PMPCB: variants seen among roughly 807,000 people sequenced by gnomAD.
The protein encoded by PMPCB is mitochondrial-processing peptidase subunit beta.
Under a neutral mutation model 61.5 loss-of-function variants are expected in PMPCB, and 46 were observed. That is an observed-to-expected ratio of 0.75 (90% confidence interval 0.59 to 0.96). The LOEUF is 0.96. PMPCB is among the 40% of genes least tolerant of loss of function. The probability of loss-of-function intolerance (pLI) is 0.00; values close to 1 mark genes in which losing one functional copy is unlikely to be tolerated. For synonymous variants in PMPCB, 191 were observed against 201.6 expected, an observed-to-expected ratio of 0.95 and a Z score of 0.44; for missense variants, 590 against 602.4, an observed-to-expected ratio of 0.98 and a Z score of 0.22.
In PMPCB at chr7:103,298,614, C is replaced by T. The variant is rs1817359578; in HGVS notation, c.146C>T (p.Thr49Ile). 6.2e-7 allele frequency: 1 copy of T among 1,613,850 alleles called. No homozygotes were observed. Among genetic ancestry groups the T allele is most frequent in the African/African-American group, 1.3e-5 (1 of 74,916 alleles). ...ENRLRSTQAA[T>I]QVVLNVPETR... ...AGATTAAGAAGTACACAGGCTGCTA[C>T]CCAAGTTGTTCTGAATGTTCCTGAA... Residue 49 changes from threonine to isoleucine, a missense_variant, in exon 2 of 13, where the codon ACC (threonine) becomes ATC (isoleucine). Thr to Ile is a moderately conservative substitution (Grantham distance 89). Transcript: ENST00000249269.
chr7:103,311,341 T>C (rs906245609), intron 9 of PMPCB: 1 of 369,654 alleles, frequency 2.7e-6, no homozygotes, highest in Non-Finnish European at 4.9e-6. Context: ...ACTTAACCCA[T>C]AGCATATCAG....
chr7:103,310,656 G>C lies in PMPCB; in HGVS notation c.1154+181G>C, dbSNP rs116098234. ...TTTTTCCTAAGTCTCAAGATGTGAA[G>C]CTGATTTATACTATAGAATTTTTTT... On this transcript the variant is annotated intron_variant, in intron 9 of 12. Transcript: ENST00000249269. 397 of 409,190 alleles carry C rather than the reference G, an allele frequency of 9.7e-4. 1 individual carries two copies. The highest frequency in any genetic ancestry group is 7.7e-3 in the African/African-American group (364 of 47,498). 25.3% of individuals were successfully genotyped at this position (409,190 alleles called of 1,614,324 possible).
At chr7:103,340,357 GA>G in the PMPCB span, among the ~76,000 whole-genome samples, 1 of 152,166 alleles carries the variant, frequency 6.6e-6, no homozygotes, top group Non-Finnish European at 1.5e-5. Flanking sequence ...GGTGGTGGGA[GA>G]ATCAGCTAAC....
chr7:103,303,367 C>T (rs1817498861), intron 4 of PMPCB, among the ~76,000 whole-genome samples: 1 of 152,182 alleles, frequency 6.6e-6, no homozygotes, highest in Admixed American at 6.5e-5. Flanking sequence ...ATATTAGCCT[C>T]CCAAAGTGCT....
chr7:103,322,179 GA>G, intron 12 of PMPCB: 7 of 922,818 alleles, frequency 7.6e-6, no homozygotes, highest in Non-Finnish European at 1.0e-5. Flanking sequence ...ATTATATTAG[GA>G]AAAAAGGCAA....
At position 103,310,386 on chromosome 7, in the gene PMPCB, T is replaced by G; in HGVS notation, c.1065T>G (p.Thr355=). The change falls in exon 9 of 13, where the codon ACT becomes ACG. Residue 355 remains threonine (T), a synonymous_variant. Transcript: ENST00000249269. ...NLCHSFQSFN[T]SYTDTGLWGL... is the part of the protein sequence containing the mutation. ...GCCATAGCTTTCAGTCTTTCAACAC[T>G]TCCTACACAGATACAGGATTATGGG... The G allele has an allele frequency of 1.2e-6, 2 of 1,613,432 alleles. No individual in the cohort carries two copies. The highest frequency in any genetic ancestry group is 1.7e-6 in the Non-Finnish European group (2 of 1,179,386).
chr7:103,313,243 A>G lies in PMPCB; in HGVS notation c.*972A>G. On this transcript the variant is annotated 3_prime_UTR_variant, in exon 13 of 13. Coordinates refer to ENST00000249269, the MANE Select transcript of PMPCB (RefSeq NM_004279.3). Reference sequence around the variant, plus strand: ...ATAAACTTGTAGAGATGAGAGATACATATAGCCCTCTGAGTGTTAATAAGA... The same window carrying G: ...ATAAACTTGTAGAGATGAGAGATACGTATAGCCCTCTGAGTGTTAATAAGA... 1.4e-6 allele frequency: 2 copies of G among 1,410,718 alleles called. No individual in the cohort carries two copies. The highest frequency in any genetic ancestry group is 1.6e-5 in the South Asian group (1 of 60,612). The allele number at this position is 1,410,718 out of a possible 1,614,324, so 87.4% of individuals were successfully genotyped here.
rs115114822 is a variant in PMPCB at position 103,328,695 on chromosome 7, C to T, written c.*1432-236C>T. On this transcript the variant is annotated intron_variant and NMD_transcript_variant, in intron 12 of 12. Transcript: ENST00000444457. Reference sequence around the variant, plus strand: ...TATGTACTAATTTATATTCTGCTTTCTTCAGCTTCACATTATAGCGTTTGC... The same window carrying T: ...TATGTACTAATTTATATTCTGCTTTTTTCAGCTTCACATTATAGCGTTTGC... 3.8e-3 allele frequency among the ~76,000 whole-genome samples: 572 copies of T among 152,244 alleles called. 4 individuals carry two copies. The highest frequency in any genetic ancestry group is 0.014 in the African/African-American group (563 of 41,558).
chr7:103,325,062 T>C (rs1818629034), intron 12 of PMPCB, among the ~76,000 whole-genome samples: 1 of 152,224 alleles, frequency 6.6e-6, no homozygotes, highest in South Asian at 2.1e-4. Flanking sequence ...AAAAGGATCC[T>C]GAAGCAGCTA....
At chr7:103,344,860 A>T in the PMPCB span, 1 of 580,432 alleles carries the variant, frequency 1.7e-6, no homozygotes, top group South Asian at 2.1e-5. Context: ...TTCTATACTG[A>T]CTGAGATCCG....
In PMPCB at chr7:103,304,415, A is replaced by AT; in HGVS notation, c.662dup (p.Ser222LysfsTer3). 1 of 1,567,370 alleles carries AT rather than the reference A, an allele frequency of 6.4e-7. No individual in the cohort carries two copies. The highest frequency in any genetic ancestry group is 8.8e-7 in the Non-Finnish European group (1 of 1,138,624). ...ATTGTTTTACTTCATTTACAGATCT[A>AT]TAAGTCGTAAGGACTTAGTGGATTA... On this transcript the variant is annotated frameshift_variant, in exon 6 of 13. Coordinates refer to ENST00000249269, the MANE Select transcript of PMPCB (RefSeq NM_004279.3). LOFTEE classifies it high-confidence loss of function.
chr7:103,325,888 AGAG>A (rs1290647868), intron 12 of PMPCB, among the ~76,000 whole-genome samples: 3 of 152,148 alleles, frequency 2.0e-5, no homozygotes, highest in Non-Finnish European at 2.9e-5. Context: ...AATGAGTCAG[AGAG>A]TAGTATACCG....
At chr7:103,341,924 C>T in the PMPCB span, 1 of 1,608,030 alleles carries the variant, frequency 6.2e-7, no homozygotes, top group African/African-American at 1.3e-5. Flanking sequence ...AAACCATCTT[C>T]CCACAGGTTC....
chr7:103,341,658 T>C, the PMPCB span: 2 of 925,982 alleles, frequency 2.2e-6, no homozygotes, highest in African/African-American at 1.7e-5. Flanking sequence ...ATCATAGTTA[T>C]CTTGCTGAAT....
At chr7:103,347,098 T>C in the PMPCB span, among the ~76,000 whole-genome samples, 1 of 152,222 alleles carries the variant, frequency 6.6e-6, no homozygotes, top group Non-Finnish European at 1.5e-5. Context: ...AGTTGCACCA[T>C]TTTATCATTT....
In PMPCB at chr7:103,303,825, A is replaced by AT; in HGVS notation, c.458-13dup. On this transcript the variant is annotated splice_polypyrimidine_tract_variant and intron_variant, in intron 4 of 12. Coordinates refer to ENST00000249269, the MANE Select transcript of PMPCB (RefSeq NM_004279.3). ...TAAGATTGCTGGCACGTTTTCTTAT[A>AT]TTTTATTTTCAATTAGCTGTAGAAA... The AT allele has an allele frequency of 1.3e-6, 2 of 1,562,108 alleles. No individual in the cohort carries two copies. The highest frequency in any genetic ancestry group is 1.7e-6 in the Non-Finnish European group (2 of 1,149,204).
intron 12 of PMPCB, chr7:103,320,730 C>A: frequency 7.4e-6 from 1 of 134,602 alleles, no homozygotes; most frequent in Non-Finnish European, 1.6e-5. Context: ...GGCGACAGAG[C>A]AAGACTCTGT....
At chr7:103,299,658 A>G (rs551528325) in intron 3 of PMPCB, 129 bp downstream of exon 3, 5 of 556,882 alleles carry the variant, frequency 9.0e-6, no homozygotes, top group Admixed American at 3.6e-5. Flanking sequence ...CCAGGACAGT[A>G]TCTAAAATAA....
At chr7:103,303,207 C>T (rs918265082) in intron 4 of PMPCB, among the ~76,000 whole-genome samples, 1 of 152,188 alleles carries the variant, frequency 6.6e-6, no homozygotes, top group Non-Finnish European at 1.5e-5. Flanking sequence ...ATCTTTGCCT[C>T]CCGAGCTCCA....
Sources: gnomAD v4.1 joint callset for allele counts (sites outside exome capture counted in the v4.1 genomes callset) on GRCh38, gnomAD v4.1.1 for gene constraint, MANE v1.5 for transcripts, NCBI Gene and HGNC (gene_info 2026-07-23, HGNC 2026-07-21) for gene names.